L2HGDH: variants seen among roughly 807,000 people sequenced by gnomAD.
L2HGDH encodes the protein L-2-hydroxyglutarate dehydrogenase, also known as L-2-hydroxyglutarate dehydrogenase, mitochondrial.
Under a neutral mutation model 51.5 loss-of-function variants are expected in L2HGDH, and 34 were observed. The observed-to-expected ratio is 0.66, with a 90% CI of 0.50 to 0.88. The LOEUF (loss-of-function observed/expected upper bound fraction) is 0.88. Among genes scored for constraint, L2HGDH ranks in the 40% least tolerant of loss-of-function variants. The pLI is 0.00. For synonymous variants in L2HGDH, 198 were observed against 197.9 expected (o/e 1.00, Z -0.01); for missense variants, 558 against 571.9 (o/e 0.98, Z 0.25).
intron 9 of L2HGDH, among the ~76,000 whole-genome samples, chr14:50,251,035 G>A (rs542939031): frequency 3.9e-5 from 6 of 152,276 alleles, no homozygotes; most frequent in Admixed American, 3.3e-4. Context: ...TAAAGCACCA[G>A]AGACCAATCC....
chr14:50,278,602 C>CATT (rs111540898), intron 5 of L2HGDH, 48 bp from the exon 6 acceptor site: 6 of 1,002,492 alleles, frequency 6.0e-6, no homozygotes, highest in African/African-American at 3.2e-5. Context: ...AAAAGGCCAA[C>CATT]ATTATTTGAA....
chr14:50,299,044 G>A (rs1045060712), intron 3 of L2HGDH, among the ~76,000 whole-genome samples: 4 of 152,004 alleles, frequency 2.6e-5, no homozygotes, highest in East Asian at 1.9e-4. Flanking sequence ...ATGAAAGGTT[G>A]GTTTTTTGAA....
At chr14:50,264,100 C>T (rs35364406) in intron 9 of L2HGDH, among the ~76,000 whole-genome samples, 2,802 of 149,862 alleles carry the variant, frequency 0.019, 79 homozygotes, top group African/African-American at 0.06. Context: ...AAAGATGTGG[C>T]TGGGTGCAGT....
intron 6 of L2HGDH, among the ~76,000 whole-genome samples, chr14:50,273,474 G>T (rs1045775762): frequency 6.6e-6 from 1 of 151,948 alleles, no homozygotes; most frequent in Non-Finnish European, 1.5e-5. Context: ...TAAATATTTA[G>T]ATTAAAAGAT....
At chr14:50,300,860 T>A (rs956202446) in intron 3 of L2HGDH, among the ~76,000 whole-genome samples, 3 of 152,134 alleles carry the variant, frequency 2.0e-5, no homozygotes, top group African/African-American at 7.2e-5. Context: ...GGTCTCACTC[T>A]GTTGCCCAGG....
chr14:50,266,114 T>G (rs1889316568), intron 8 of L2HGDH, among the ~76,000 whole-genome samples: 1 of 146,718 alleles, frequency 6.8e-6, no homozygotes, highest in South Asian at 2.2e-4. Flanking sequence ...CCACTGCATT[T>G]CAGCCTGGGC....
At chr14:50,276,465 C>T (rs1231318841) in intron 6 of L2HGDH, among the ~76,000 whole-genome samples, 1 of 150,620 alleles carries the variant, frequency 6.6e-6, no homozygotes, top group East Asian at 2.0e-4. Context: ...GAATTGTGCC[C>T]CCCCCACCCC....
intron 4 of L2HGDH, among the ~76,000 whole-genome samples, chr14:50,288,932 G>T (rs918399579): frequency 1.3e-5 from 2 of 152,108 alleles, no homozygotes; most frequent in Admixed American, 6.5e-5. Context: ...TAAATCTGTT[G>T]TAATTTTGTC....
chr14:50,262,973 T>C (rs1889123151), intron 9 of L2HGDH, among the ~76,000 whole-genome samples: 1 of 152,156 alleles, frequency 6.6e-6, no homozygotes, highest in South Asian at 2.1e-4. Flanking sequence ...GCCAATGAAA[T>C]TGGTAACAGA....
At chr14:50,248,600 TA>T (rs1399130397) in intron 9 of L2HGDH, among the ~76,000 whole-genome samples, 1 of 152,154 alleles carries the variant, frequency 6.6e-6, no homozygotes, top group African/African-American at 2.4e-5. Context: ...GAGAGGTAAA[TA>T]AGAATTATAA....
intron 9 of L2HGDH, among the ~76,000 whole-genome samples, chr14:50,248,577 C>T (rs1160381577): frequency 6.6e-6 from 1 of 152,164 alleles, no homozygotes; most frequent in African/African-American, 2.4e-5. Context: ...CAGAGCTATA[C>T]TATTCATTCG....
In L2HGDH at chr14:50,311,996, C is replaced by G; in HGVS notation, c.140+15G>C. The G allele has an allele frequency of 6.4e-7, 1 of 1,554,306 alleles. No homozygotes were observed. The highest frequency in any genetic ancestry group is 8.7e-7 in the Non-Finnish European group (1 of 1,152,202). ...GCAGCAGCGCAGGCGGCGGGGAGGA[C>G]CAGCGGCCACTCACCTGGTGCTGGC... is the stretch of plus-strand genomic sequence containing the variant. On this transcript the variant is annotated intron_variant, in intron 1 of 9. Transcript: ENST00000267436.
At chr14:50,303,176 C>T (rs924671238) in intron 1 of L2HGDH, among the ~76,000 whole-genome samples, 159 bp from the exon 2 acceptor site, 1 of 152,208 alleles carries the variant, frequency 6.6e-6, no homozygotes, top group South Asian at 2.1e-4. Flanking sequence ...GTAATCCCAG[C>T]ACTTTGAGTG....
chr14:50,256,435 C>T (rs927634800), intron 9 of L2HGDH, among the ~76,000 whole-genome samples: 1 of 151,508 alleles, frequency 6.6e-6, no homozygotes, highest in Non-Finnish European at 1.5e-5. Flanking sequence ...TGGCTTGAAC[C>T]CAGGAGTTCA....
At chr14:50,270,483 CCTTA>C (rs750524548) in intron 6 of L2HGDH, among the ~76,000 whole-genome samples, 28 of 139,584 alleles carry the variant, frequency 2.0e-4, no homozygotes, top group Non-Finnish European at 3.6e-4. Flanking sequence ...TCTTTCCAGG[CCTTA>C]CTGTTTTGTT....
In L2HGDH at chr14:50,281,847, T is replaced by TG. The variant is rs1483556423; in HGVS notation, c.703+2023_703+2024insC. ...CATTTAGAGATACTTTTTATTTTTT[T>TG]TGTGTGTGTGTGTGACGGAGTCTCG... On this transcript the variant is annotated intron_variant, in intron 5 of 9. Transcript: ENST00000267436. Among the ~76,000 whole-genome samples, 11 of 151,678 alleles carry TG rather than the reference T, an allele frequency of 7.3e-5. No individual in the cohort carries two copies. In the East Asian group the frequency reaches 2.1e-3, roughly 29 times the overall value.
At position 50,265,688 on chromosome 14, in the gene L2HGDH, C is replaced by A. The variant is rs1053067815; in HGVS notation, c.1065-199G>T. Among the ~76,000 whole-genome samples the A allele has an allele frequency of 1.4e-4, 22 of 152,058 alleles. No homozygotes were observed. The East Asian group carries it at 3.7e-3, about 26-fold the overall frequency. On this transcript the variant is annotated intron_variant, in intron 8 of 9. Coordinates refer to ENST00000267436, the MANE Select transcript of L2HGDH (RefSeq NM_024884.3). ...CAACACTTTGGGAGGTCAAGGCGGG[C>A]GGAATACTTGAGGTCACGAGTTTGA...
chr14:50,269,069 C>T, intron 7 of L2HGDH, 94 bp downstream of exon 7: 1 of 1,086,808 alleles, frequency 9.2e-7, no homozygotes, highest in Non-Finnish European at 1.4e-6. Context: ...TTCAAAATTT[C>T]TCTTATTTCT....
intron 6 of L2HGDH, among the ~76,000 whole-genome samples, chr14:50,270,514 T>C (rs1889613250): frequency 6.6e-6 from 1 of 151,668 alleles, no homozygotes; most frequent in Non-Finnish European, 1.5e-5. Context: ...GTTGTTGTTG[T>C]TGTTGTTTTG....
Sources: allele counts gnomAD v4.1 joint callset (sites outside exome capture counted in the v4.1 genomes callset), GRCh38; gene constraint gnomAD v4.1.1; transcripts MANE v1.5; gene names NCBI Gene and HGNC (gene_info 2026-07-23, HGNC 2026-07-21).